The following DHX57 variants were observed in gnomAD, a reference collection of about 807,000 sequenced individuals.
DHX57 encodes the protein DExH-box helicase 57.
A neutral mutation model predicts 156.2 loss-of-function variants in DHX57; 105 were observed. That is an observed-to-expected ratio of 0.67 (90% confidence interval 0.57 to 0.79). The LOEUF is 0.79. DHX57 is among the 30% of genes least tolerant of loss of function. The probability of loss-of-function intolerance (pLI) is 0.00; values close to 1 mark genes in which losing one functional copy is unlikely to be tolerated. For synonymous variants in DHX57, 704 were observed against 595.6 expected (o/e 1.18, Z -2.65); for missense variants, 1,847 against 1,661.9 (o/e 1.11, Z -1.94).
intron 7 of DHX57, among the ~76,000 whole-genome samples, chr2:38,855,665 A>G (rs1215058986): frequency 6.6e-6 from 1 of 152,240 alleles, no homozygotes; most frequent in East Asian, 1.9e-4. Flanking sequence ...AATTATTACC[A>G]TATCACTGAG....
chr2:38,850,115 T>G (rs1397442651), intron 9 of DHX57, among the ~76,000 whole-genome samples: 1 of 152,118 alleles, frequency 6.6e-6, no homozygotes, highest in Non-Finnish European at 1.5e-5. Context: ...ACTAAATGAA[T>G]ATATCATCTG....
chr2:38,830,865 G>T (rs1671342837), intron 13 of DHX57, among the ~76,000 whole-genome samples: 1 of 152,046 alleles, frequency 6.6e-6, no homozygotes, highest in Non-Finnish European at 1.5e-5. Flanking sequence ...AGGCTGAAGT[G>T]GGAAGACTGC....
At chr2:38,857,576 G>A (rs958835482) in intron 6 of DHX57, among the ~76,000 whole-genome samples, 2 of 152,120 alleles carry the variant, frequency 1.3e-5, no homozygotes, top group Non-Finnish European at 2.9e-5. Flanking sequence ...ATATGTGATG[G>A]TGTTACATGG....
At chr2:38,799,204 C>T (rs1170487319) in intron 23 of DHX57, among the ~76,000 whole-genome samples, 1 of 149,966 alleles carries the variant, frequency 6.7e-6, no homozygotes. Context: ...TCTCTTAGTA[C>T]TAAAAGTACA....
At position 38,825,954 on chromosome 2, in the gene DHX57, T is replaced by C. The variant is rs774449858; in HGVS notation, c.2907A>G (p.Ala969=). The C allele has an allele frequency of 6.2e-7, 1 of 1,614,212 alleles. No individual in the cohort carries two copies. The highest frequency in any genetic ancestry group is 8.5e-7 in the Non-Finnish European group (1 of 1,180,034). Residue 969 remains alanine (A), a synonymous_variant, in exon 16 of 24, where the codon GCA becomes GCG. Coordinates refer to ENST00000457308, the MANE Select transcript of DHX57 (RefSeq NM_198963.3). ...TGAATAAATGGAAGCAGACCCCAGATGCAACACGGCCTGCTCGGCCTTTCC... is the reference window on the plus strand; with the variant it reads ...TGAATAAATGGAAGCAGACCCCAGACGCAACACGGCCTGCTCGGCCTTTCC... ...LQRKGRAGRV[A]SGVCFHLFTS...
In DHX57 at chr2:38,826,667, A is replaced by C; in HGVS notation, c.2662T>G (p.Ser888Ala). The change falls in exon 15 of 24, where the codon TCA (serine) becomes GCA (alanine). Residue 888 changes from serine (S) to alanine (A), a missense_variant. Transcript: ENST00000457308. ...SNRCVIHPLH[S>A]SLSSEEQQAV... is the part of the protein sequence containing the mutation. ...TGCTGCTCTTCACTGGATAAAGATG[A>C]ATGAAGTGGGTGAATAACACATCTG... 2.5e-6 allele frequency: 4 copies of C among 1,614,112 alleles called. No individual in the cohort carries two copies. Among genetic ancestry groups the C allele is most frequent in the Non-Finnish European group, 3.4e-6 (4 of 1,179,966 alleles).
chr2:38,799,972 G>A (rs1402880039), intron 23 of DHX57, among the ~76,000 whole-genome samples: 2 of 152,028 alleles, frequency 1.3e-5, no homozygotes, highest in Non-Finnish European at 2.9e-5. Flanking sequence ...CAGATCACCT[G>A]AGGTCGGGAG....
At chr2:38,827,583 C>A (rs756335614) in intron 14 of DHX57, among the ~76,000 whole-genome samples, 1 of 142,788 alleles carries the variant, frequency 7.0e-6, no homozygotes, top group Non-Finnish European at 1.5e-5. Flanking sequence ...TACATACACA[C>A]ACACAGAGAA....
chr2:38,834,476 A>C (rs901788866), intron 13 of DHX57, among the ~76,000 whole-genome samples: 1 of 152,156 alleles, frequency 6.6e-6, no homozygotes, highest in African/African-American at 2.4e-5. Context: ...AAGTGTTGTG[A>C]GAATCGACTT....
chr2:38,836,794 A>AAAG (rs1671689214), intron 13 of DHX57, among the ~76,000 whole-genome samples: 3 of 143,414 alleles, frequency 2.1e-5, no homozygotes, highest in Non-Finnish European at 3.0e-5. Context: ...AAAAAAAAAA[A>AAAG]AAAGAAACAA....
intron 13 of DHX57, among the ~76,000 whole-genome samples, chr2:38,833,727 C>T (rs905667355): frequency 9.9e-5 from 15 of 152,120 alleles, no homozygotes; most frequent in Middle Eastern, 3.4e-3. Flanking sequence ...TAGGTTTGCA[C>T]TGCATGGGTC....
At chr2:38,813,233 G>A in intron 21 of DHX57, among the ~76,000 whole-genome samples, 1 of 152,116 alleles carries the variant, frequency 6.6e-6, no homozygotes. Flanking sequence ...GTTATATATA[G>A]GTTGGCCGAC....
intron 15 of DHX57, 70 bp downstream of exon 15, chr2:38,826,446 C>A (rs1200324255): frequency 3.9e-6 from 6 of 1,522,630 alleles, no homozygotes; most frequent in Non-Finnish European, 5.4e-6. Context: ...TAGCATTAGC[C>A]ACTAACAACG....
chr2:38,811,377 G>A (rs552948315), intron 21 of DHX57: 25 of 545,782 alleles, frequency 4.6e-5, no homozygotes, highest in South Asian at 1.4e-4. Context: ...ACTTGTTTGC[G>A]GGTGATGTAA....
At chr2:38,828,953 T>C (rs1246335571) in intron 13 of DHX57, among the ~76,000 whole-genome samples, 1 of 152,154 alleles carries the variant, frequency 6.6e-6, no homozygotes, top group Non-Finnish European at 1.5e-5. Context: ...TTAATTTTTA[T>C]TTTTTGAGAC....
intron 1 of DHX57, among the ~76,000 whole-genome samples, chr2:38,872,886 T>C (rs1665415761): frequency 6.6e-6 from 1 of 152,148 alleles, no homozygotes; most frequent in African/African-American, 2.4e-5. Context: ...CTAATAGGTG[T>C]CTATAGAACA....
chr2:38,848,879 G>C (rs1480190721), intron 9 of DHX57, among the ~76,000 whole-genome samples: 1 of 152,174 alleles, frequency 6.6e-6, no homozygotes. Flanking sequence ...AGAAGTTTCA[G>C]ATTTTGGATT....
intron 2 of DHX57, among the ~76,000 whole-genome samples, chr2:38,865,219 A>C (rs776619401): frequency 5.3e-5 from 8 of 152,058 alleles, no homozygotes; most frequent in Non-Finnish European, 1.0e-4. Flanking sequence ...TCTCATCTTC[A>C]ATTGAAGTTC....
At chr2:38,827,902 G>A (rs1671185664) in intron 14 of DHX57, among the ~76,000 whole-genome samples, 1 of 152,068 alleles carries the variant, frequency 6.6e-6, no homozygotes, top group Admixed American at 6.6e-5. Flanking sequence ...TGTTGCCCGG[G>A]CTGGAGCGCA....
Sources: gnomAD v4.1 joint callset for allele counts (sites outside exome capture counted in the v4.1 genomes callset) on GRCh38, gnomAD v4.1.1 for gene constraint, MANE v1.5 for transcripts, NCBI Gene and HGNC (gene_info 2026-07-23, HGNC 2026-07-21) for gene names.